RORC: variants seen among roughly 807,000 people sequenced by gnomAD.
RORC encodes RAR related orphan receptor C.
Under a neutral mutation model 64.5 loss-of-function variants are expected in RORC, and 13 were observed. That is an observed-to-expected ratio of 0.20 (90% confidence interval 0.13 to 0.32). The LOEUF (loss-of-function observed/expected upper bound fraction) is 0.32. RORC is among the 10% of genes least tolerant of loss of function. The probability of loss-of-function intolerance (pLI) is 1.00; values close to 1 mark genes in which losing one functional copy is unlikely to be tolerated. For missense variants in RORC, 468 were observed against 669.5 expected, an observed-to-expected ratio of 0.70 and a Z score of 3.32; for synonymous variants, 277 against 259.3, an observed-to-expected ratio of 1.07 and a Z score of -0.65.
intron 2 of RORC, among the ~76,000 whole-genome samples, chr1:151,824,848 G>T (rs1366608285): frequency 6.6e-6 from 1 of 152,230 alleles, no homozygotes; most frequent in Non-Finnish European, 1.5e-5. Flanking sequence ...TATATGGCTA[G>T]CCAGTGATAG....
At chr1:151,827,305 C>G (rs990065536) in intron 2 of RORC, among the ~76,000 whole-genome samples, 18 of 152,162 alleles carry the variant, frequency 1.2e-4, no homozygotes, top group Non-Finnish European at 2.5e-4. Flanking sequence ...TTCTCTGGTT[C>G]AAGTCTGCTT....
intron 2 of RORC, among the ~76,000 whole-genome samples, chr1:151,823,305 C>T (rs889090882): frequency 3.3e-5 from 5 of 152,202 alleles, no homozygotes; most frequent in Non-Finnish European, 5.9e-5. Context: ...CTCCCACCTC[C>T]CCATCCAGAC....
rs977805186 is a variant in RORC at position 151,831,548 on chromosome 1, C to T, written c.40+177G>A. ...CGATTTCTTCTCCTCTGTCATCTCC[C>T]CAGCCCCTCCTCCTGTTTCTCCTCC... On this transcript the variant is annotated intron_variant, in intron 1 of 10. Transcript: ENST00000318247. 6 of 642,762 alleles carry T rather than the reference C, an allele frequency of 9.3e-6. No homozygotes were observed. The African/African-American group carries it at 1.2e-4, about 13-fold the overall frequency. The allele number at this position is 642,762 out of a possible 1,614,324, so 39.8% of individuals were successfully genotyped here.
chr1:151,817,090 C>T (rs1651788405), intron 3 of RORC, 105 bp downstream of exon 3: 1 of 907,914 alleles, frequency 1.1e-6, no homozygotes, highest in Admixed American at 2.1e-5. Flanking sequence ...CATTAACCCC[C>T]TTGTTTATCT....
At chr1:151,817,616 G>A (rs1651819109) in intron 2 of RORC, among the ~76,000 whole-genome samples, 1 of 152,204 alleles carries the variant, frequency 6.6e-6, no homozygotes, top group Admixed American at 6.5e-5. Context: ...CTCCCGCCTT[G>A]GGACATAGGA....
chr1:151,823,630 A>T (rs145619143), intron 2 of RORC, among the ~76,000 whole-genome samples: 1 of 151,982 alleles, frequency 6.6e-6, no homozygotes, highest in East Asian at 1.9e-4. Flanking sequence ...TCTGGGCTTC[A>T]CACCTTCATG....
intron 2 of RORC, among the ~76,000 whole-genome samples, chr1:151,822,868 G>A (rs1022170737): frequency 7.2e-5 from 11 of 152,242 alleles, no homozygotes; most frequent in Non-Finnish European, 1.3e-4. Flanking sequence ...CTTCAGAAAG[G>A]ACTAGCTATA....
At position 151,807,701 on chromosome 1, in the gene RORC, C is replaced by T. The variant is rs3828057; in HGVS notation, c.1396-68G>A. ...TCTCCTCAGAGCAAAGAAGTCCGCT[C>T]ATTCTTCCTGGGCTAGGACAAACCC... On this transcript the variant is annotated intron_variant, in intron 10 of 10. Transcript: ENST00000318247. This position sits in a 1 kb window ranked among gnomAD's most constrained non-coding sequence, Gnocchi z 5.0. 645,251 of 1,539,496 alleles carry T rather than the reference C, an allele frequency of 0.42. 140,099 individuals carry two copies. The highest frequency in any genetic ancestry group is 0.45 in the Non-Finnish European group (512,183 of 1,126,758).
chr1:151,811,923 G>A (rs1218279235), intron 9 of RORC: 3 of 152,330 alleles, frequency 2.0e-5, no homozygotes, highest in Non-Finnish European at 4.4e-5. Context: ...CTAGTTTGAA[G>A]GGCATATTTA....
intron 2 of RORC, among the ~76,000 whole-genome samples, chr1:151,817,722 G>T (rs1459272139): frequency 1.3e-5 from 2 of 152,234 alleles, no homozygotes; most frequent in African/African-American, 2.4e-5. Flanking sequence ...CAAAGTGTAG[G>T]GTATAGCAGG....
intron 1 of RORC, among the ~76,000 whole-genome samples, chr1:151,829,659 G>A (rs552299538): frequency 1.3e-5 from 2 of 152,308 alleles, no homozygotes; most frequent in East Asian, 3.9e-4. Flanking sequence ...GTACCCAGAA[G>A]TGTCAGGCTC....
chr1:151,831,200 C>A, intron 1 of RORC: 1 of 1,083,824 alleles, frequency 9.2e-7, no homozygotes, highest in Non-Finnish European at 1.2e-6. Flanking sequence ...TGGTCATGGG[C>A]AGCTGACAGG....
Position 151,807,978 on chromosome 1 carries a change from C to G in RORC, c.1396-345G>C, listed in dbSNP as rs1310664118. 6.6e-6 allele frequency among the ~76,000 whole-genome samples: 1 copy of G among 152,192 alleles called. No individual in the cohort carries two copies. Among genetic ancestry groups the G allele is most frequent in the Admixed American group, 6.5e-5 (1 of 15,282 alleles). ...TGTTGTATGCTGTCACATGCCTCTG[C>G]CTTTGTGCATGTTGTTCCCCTCTTC... On this transcript the variant is annotated intron_variant, in intron 10 of 10. Coordinates refer to ENST00000318247, the MANE Select transcript of RORC (RefSeq NM_005060.4). The surrounding 1 kb of genome is among the most constrained non-coding windows in gnomAD (Gnocchi z 5.0).
chr1:151,813,671 T>C, intron 6 of RORC, 51 bp from the exon 7 acceptor site: 1 of 1,601,720 alleles, frequency 6.2e-7, no homozygotes, highest in Non-Finnish European at 8.5e-7. Context: ...GGCCCTGTGA[T>C]CCTCCTGAGC....
chr1:151,808,070 G>T (rs1410988843), intron 10 of RORC, among the ~76,000 whole-genome samples: 2 of 152,078 alleles, frequency 1.3e-5, no homozygotes, highest in Non-Finnish European at 2.9e-5. Context: ...CCTCCCATCT[G>T]GATTAAGGGC....
At chr1:151,816,875 G>A in intron 3 of RORC, 70 bp from the exon 4 acceptor site, 1 of 1,421,852 alleles carries the variant, frequency 7.0e-7, no homozygotes, top group Non-Finnish European at 9.2e-7. Context: ...AAGGCCTCCA[G>A]CCCACAAGCT....
At chr1:151,825,612 T>C (rs891561519) in intron 2 of RORC, among the ~76,000 whole-genome samples, 11 of 152,188 alleles carry the variant, frequency 7.2e-5, no homozygotes, top group East Asian at 3.8e-4. Context: ...CTGTGTAACA[T>C]TGGGCCAAGT....
At position 151,814,972 on chromosome 1, in the gene RORC, T is replaced by C. The variant is rs779302154; in HGVS notation, c.752A>G (p.Tyr251Cys). The change falls in exon 5 of 11, where the codon TAC (tyrosine) becomes TGC (cysteine). Residue 251 changes from tyrosine to cysteine, a missense_variant. Around this residue, in one of 5 missense-constraint regions of RORC, gnomAD observed 241 missense variants for 295.5 expected, o/e 0.82. Coordinates refer to ENST00000318247, the MANE Select transcript of RORC (RefSeq NM_005060.4). The stretch of plus-strand genomic sequence containing the variant: ...TGTGCTGCGGAAACTGGGGCTGCCG[T>C]AGCTGTCTGGGCCCTGTCCCAGTTC... ...LGELGQGPDS[Y>C]GSPSFRSTPE... 1.2e-6 allele frequency: 2 copies of C among 1,614,194 alleles called. No individual in the cohort carries two copies. Among genetic ancestry groups the C allele is most frequent in the Non-Finnish European group, 1.7e-6 (2 of 1,180,016 alleles).
At chr1:151,821,868 G>A (rs1224692881) in intron 2 of RORC, among the ~76,000 whole-genome samples, 1 of 152,094 alleles carries the variant, frequency 6.6e-6, no homozygotes, top group Non-Finnish European at 1.5e-5. Flanking sequence ...TTTGTATAAA[G>A]ATCCCAAGAG....
Sources: allele counts gnomAD v4.1 joint callset (sites outside exome capture counted in the v4.1 genomes callset), GRCh38; gene constraint gnomAD v4.1.1; regional missense constraint gnomAD v4.1.1; non-coding constraint Gnocchi (gnomAD v3.1); transcripts MANE v1.5; gene names NCBI Gene and HGNC (gene_info 2026-07-23, HGNC 2026-07-21).